The following FMN2 variants were observed in gnomAD, a reference collection of about 807,000 sequenced individuals.
FMN2 encodes the protein formin-2.
In FMN2, 51 loss-of-function variants were observed where a neutral mutation model predicts 142.3. That is an observed-to-expected ratio of 0.36 (90% CI 0.29 to 0.45). FMN2 has a LOEUF of 0.45. FMN2 is among the 20% of genes least tolerant of loss of function. The probability of loss-of-function intolerance (pLI) is 1.00; values close to 1 mark genes in which losing one functional copy is unlikely to be tolerated. For synonymous variants in FMN2, 882 were observed against 869.8 expected, an observed-to-expected ratio of 1.01 and a Z score of -0.25; for missense variants, 1,936 against 2,122.8, an observed-to-expected ratio of 0.91 and a Z score of 1.73.
At chr1:240,417,830 T>A (rs1420591658) in intron 15 of FMN2, among the ~76,000 whole-genome samples, 5 of 152,198 alleles carry the variant, frequency 3.3e-5, no homozygotes, top group African/African-American at 1.2e-4. Flanking sequence ...CATTACTAAT[T>A]TGTAGAATCT....
At chr1:240,424,401 C>T (rs541694294) in intron 15 of FMN2, among the ~76,000 whole-genome samples, 12 of 152,300 alleles carry the variant, frequency 7.9e-5, no homozygotes, top group East Asian at 3.9e-4. Flanking sequence ...GTCACTGTGG[C>T]ACTGGCTTGC....
chr1:240,394,372 C>T (rs1673703787), intron 15 of FMN2, among the ~76,000 whole-genome samples: 1 of 152,154 alleles, frequency 6.6e-6, no homozygotes, highest in African/African-American at 2.4e-5. Flanking sequence ...TAATCCAGAG[C>T]AGGGCCCTAA....
chr1:240,237,344 C>T (rs549562553), intron 6 of FMN2, among the ~76,000 whole-genome samples: 1 of 152,286 alleles, frequency 6.6e-6, no homozygotes, highest in African/African-American at 2.4e-5. Flanking sequence ...TCAGCCTTGA[C>T]TCAGCTCTGC....
In FMN2 at chr1:240,092,766, A is replaced by ACAG. The variant is rs532298569; in HGVS notation, c.674_676dup (p.Gln225dup). Reference sequence around the variant, plus strand: ...AGCAGCTCCAGCTCCAGCTCCAGCAACAGCAGCAGCAGCAGCAGCTCCAGG... The same window carrying ACAG: ...AGCAGCTCCAGCTCCAGCTCCAGCAACAGCAGCAGCAGCAGCAGCAGCTCCAGG... On this transcript the variant is annotated inframe_insertion, in exon 1 of 18. Coordinates refer to ENST00000319653, the MANE Select transcript of FMN2 (RefSeq NM_020066.5). The ACAG allele has an allele frequency of 1.6e-3, 2,619 of 1,609,674 alleles. 37 individuals carry two copies. In the African/African-American group the frequency reaches 0.03, roughly 18 times the overall value.
At chr1:240,146,400 A>G (rs1663480928) in intron 2 of FMN2, among the ~76,000 whole-genome samples, 1 of 149,064 alleles carries the variant, frequency 6.7e-6, no homozygotes, top group Admixed American at 6.7e-5. Flanking sequence ...TCTCAAAAAA[A>G]AAAAAAAAAA....
chr1:240,250,854 A>G, intron 6 of FMN2, among the ~76,000 whole-genome samples: 1 of 151,678 alleles, frequency 6.6e-6, no homozygotes, highest in East Asian at 1.9e-4. Flanking sequence ...TTTCCTCTAG[A>G]TTTTCCAGTA....
intron 14 of FMN2, among the ~76,000 whole-genome samples, chr1:240,384,194 G>C (rs1673331842): frequency 6.6e-6 from 1 of 151,802 alleles, no homozygotes. Context: ...TACCTATTGA[G>C]TACCATGTTT....
chr1:240,368,688 G>T (rs943944927), intron 14 of FMN2, among the ~76,000 whole-genome samples: 7 of 151,598 alleles, frequency 4.6e-5, no homozygotes, highest in African/African-American at 1.7e-4. Flanking sequence ...TGGTCATTTT[G>T]CACTGTGTTG....
chr1:240,466,067 A>T (rs1245062646), intron 16 of FMN2, among the ~76,000 whole-genome samples: 1 of 152,234 alleles, frequency 6.6e-6, no homozygotes, highest in East Asian at 1.9e-4. Context: ...CCCTTAATGT[A>T]AATGAGCCCA....
chr1:240,377,721 G>A (rs1001655665), intron 14 of FMN2, among the ~76,000 whole-genome samples: 6 of 152,070 alleles, frequency 3.9e-5, no homozygotes, highest in African/African-American at 1.2e-4. Context: ...CTGGGACAAC[G>A]AGGTATAATA....
chr1:240,167,057 A>G (rs10926155), intron 2 of FMN2, among the ~76,000 whole-genome samples: 48,790 of 152,092 alleles, frequency 0.32, 8,626 homozygotes, highest in African/African-American at 0.48. Context: ...GGGAGGCAGA[A>G]GTTGCAGTGA....
chr1:240,330,568 T>C (rs1671341342), intron 10 of FMN2, 35 bp from the exon 11 acceptor site: 2 of 1,600,968 alleles, frequency 1.2e-6, no homozygotes, highest in Non-Finnish European at 1.7e-6. Context: ...TGGTATAAGA[T>C]AAAAGTTGTT....
intron 6 of FMN2, among the ~76,000 whole-genome samples, chr1:240,234,749 C>T (rs1249085101): frequency 1.3e-5 from 2 of 152,088 alleles, no homozygotes; most frequent in Non-Finnish European, 2.9e-5. Flanking sequence ...TCCTGTATTC[C>T]CTGTATCCCT....
At chr1:240,269,288 T>C (rs1265283242) in intron 7 of FMN2, among the ~76,000 whole-genome samples, 2 of 152,090 alleles carry the variant, frequency 1.3e-5, no homozygotes, top group Non-Finnish European at 1.5e-5. Context: ...TAACACCTTT[T>C]ATTAAATAGG....
In FMN2 at chr1:240,438,047, G is replaced by A. The variant is rs773897440; in HGVS notation, c.4911-14G>A. The A allele has an allele frequency of 1.9e-6, 3 of 1,610,558 alleles. No homozygotes were observed. The highest frequency in any genetic ancestry group is 1.1e-5 in the South Asian group (1 of 90,008). On this transcript the variant is annotated splice_polypyrimidine_tract_variant and intron_variant, in intron 15 of 17. Coordinates refer to ENST00000319653, the MANE Select transcript of FMN2 (RefSeq NM_020066.5). ...TCATGGCTTTTATGCTTTTGTGTGT[G>A]TATGATTTGACAGCTTTTTGGAGAC...
intron 1 of FMN2, among the ~76,000 whole-genome samples, chr1:240,095,525 G>T (rs138283526): frequency 1.3e-5 from 2 of 152,010 alleles, no homozygotes; most frequent in Non-Finnish European, 2.9e-5. Flanking sequence ...CCTTTCTAAG[G>T]CTCGCTGACT....
chr1:240,270,704 A>G (rs935421641), intron 7 of FMN2, among the ~76,000 whole-genome samples: 3 of 152,150 alleles, frequency 2.0e-5, no homozygotes, highest in Non-Finnish European at 4.4e-5. Context: ...GGACAAACCT[A>G]GAAGACATTA....
chr1:240,458,107 A>G (rs933127395), intron 16 of FMN2: 4 of 152,374 alleles, frequency 2.6e-5, no homozygotes, highest in East Asian at 1.9e-4. Context: ...AAGGGTCACA[A>G]TGGAAAGGAA....
Position 240,092,491 on chromosome 1 carries a change from G to A in FMN2, c.382G>A (p.Ala128Thr). ...AGACCTCAGCCTCTCGGCGGACGAG[G>A]CCGGCCTGTCGGATACCGAGTGTGC... is the stretch of plus-strand genomic sequence containing the variant. ...TPDLSLSADE[A>T]GLSDTECADP... is the part of the protein sequence containing the mutation. Residue 128 changes from alanine to threonine, a missense_variant, in exon 1 of 18, where the codon GCC becomes ACC. Ala to Thr is a moderately conservative substitution (Grantham distance 58). Around this residue, in one of 8 missense-constraint regions of FMN2, gnomAD observed 751 missense variants for 791.8 expected, o/e 0.95. Transcript: ENST00000319653. 1 of 1,607,228 alleles carries A rather than the reference G, an allele frequency of 6.2e-7. No individual in the cohort carries two copies. The highest frequency in any genetic ancestry group is 1.1e-5 in the South Asian group (1 of 90,308).
Sources: allele counts gnomAD v4.1 joint callset (sites outside exome capture counted in the v4.1 genomes callset), GRCh38; gene constraint gnomAD v4.1.1; regional missense constraint gnomAD v4.1.1; transcripts MANE v1.5; gene names NCBI Gene and HGNC (gene_info 2026-07-23, HGNC 2026-07-21).